Variants in PMPCA observed in about 807,000 individuals in gnomAD.
PMPCA encodes the protein mitochondrial-processing peptidase subunit alpha.
A neutral mutation model predicts 59.3 loss-of-function variants in PMPCA; 47 were observed. The observed-to-expected ratio is 0.79, with a 90% CI of 0.63 to 1.01. The LOEUF (loss-of-function observed/expected upper bound fraction) is 1.01, where lower values mean the gene tolerates loss of function less well. PMPCA is among the 50% of genes least tolerant of loss of function. PMPCA has a pLI of 0.00. For missense variants in PMPCA, 726 were observed against 704.5 expected (o/e 1.03, Z -0.34); for synonymous variants, 338 against 290.3 (o/e 1.16, Z -1.67).
intron 6 of PMPCA, 107 bp downstream of exon 6, chr9:136,416,498 A>C: frequency 1.3e-6 from 1 of 796,794 alleles, no homozygotes; most frequent in Non-Finnish European, 2.2e-6. Context: ...CAGGTTATGG[A>C]TATATACAGA....
chr9:136,422,427 C>T (rs1285736944), intron 12 of PMPCA: 3 of 1,081,888 alleles, frequency 2.8e-6, no homozygotes, highest in South Asian at 5.1e-5. Flanking sequence ...TCTGAATTTC[C>T]TGAAACTGCC....
intron 11 of PMPCA, 175 bp downstream of exon 11, chr9:136,419,281 C>G (rs573889748): frequency 1.0e-5 from 7 of 694,764 alleles, no homozygotes; most frequent in Non-Finnish European, 1.6e-5. Context: ...AGCTGCTCCA[C>G]CTGGGAGCCC....
intron 11 of PMPCA, chr9:136,419,421 C>G (rs1316045908): frequency 2.0e-6 from 1 of 493,556 alleles, no homozygotes; most frequent in Admixed American, 3.3e-5. Context: ...ATGTGACTCT[C>G]TCAGCTTTGC....
intron 8 of PMPCA, among the ~76,000 whole-genome samples, 184 bp from the exon 9 acceptor site, chr9:136,418,371 A>G (rs576154912): frequency 2.2e-5 from 3 of 138,182 alleles, no homozygotes; most frequent in Admixed American, 2.2e-4. Flanking sequence ...TGTCCCTGGC[A>G]TCCGACGGCG....
rs1413593643 is a variant in PMPCA, at chr9:136,416,354, C to G, written c.596C>G (p.Pro199Arg). Residue 199 changes from proline (P) to arginine (R), a missense_variant, in exon 6 of 13, where the codon CCT becomes CGT. Physicochemically the swap from Pro to Arg is moderately radical, Grantham distance 103. Coordinates refer to ENST00000371717, the MANE Select transcript of PMPCA (RefSeq NM_015160.3). Reference protein sequence around the residue: ...QFELEDLNLRPDPEPLLTEMI... With the variant: ...QFELEDLNLRRDPEPLLTEMI... The stretch of plus-strand genomic sequence containing the variant: ...GAGCTGGAGGACCTGAACCTGCGGC[C>G]TGACCCAGAGCCACTTCTCACCGAG... 6.2e-7 allele frequency: 1 copy of G among 1,613,722 alleles called. No individual in the cohort carries two copies. The highest frequency in any genetic ancestry group is 1.1e-5 in the South Asian group (1 of 91,054).
chr9:136,417,003 AC>A lies in PMPCA; in HGVS notation c.687del (p.Asn229LysfsTer2). 6.2e-7 allele frequency: 1 copy of A among 1,612,934 alleles called. No homozygotes were observed. The highest frequency in any genetic ancestry group is 8.5e-7 in the Non-Finnish European group (1 of 1,179,996). On this transcript the variant is annotated frameshift_variant, in exon 7 of 13. Coordinates refer to ENST00000371717, the MANE Select transcript of PMPCA (RefSeq NM_015160.3). LOFTEE classifies it high-confidence loss of function. Reference sequence around the variant, plus strand: ...CTCCACCGTTTCTGCCCCACAGAAAACGTAGCAAAGATCAACCGAGAGGTGC... The same window carrying A: ...CTCCACCGTTTCTGCCCCACAGAAAAGTAGCAAAGATCAACCGAGAGGTGC... ...VGLHRFCPTE[N>X]VAKINREVLH...
At position 136,417,021 on chromosome 9, in the gene PMPCA, G is replaced by T; in HGVS notation, c.704G>T (p.Arg235Leu). ...ACAGAAAACGTAGCAAAGATCAACC[G>T]AGAGGTGCTGCATTCCTACCTGAGG... ...CPTENVAKIN[R>L]EVLHSYLRNY... Residue 235 changes from arginine to leucine, a missense_variant, in exon 7 of 13, where the codon CGA becomes CTA. Transcript: ENST00000371717. 3 of 1,613,592 alleles carry T rather than the reference G, an allele frequency of 1.9e-6. No homozygotes were observed. Among genetic ancestry groups the T allele is most frequent in the Non-Finnish European group, 2.5e-6 (3 of 1,180,012 alleles).
chr9:136,419,197 C>A, intron 11 of PMPCA, 91 bp downstream of exon 11: 2 of 1,192,896 alleles, frequency 1.7e-6, no homozygotes, highest in Non-Finnish European at 2.5e-6. Flanking sequence ...TGGGCCTGGT[C>A]CCTGAGCCTC....
intron 12 of PMPCA, chr9:136,422,326 A>T (rs1223978910): frequency 8.4e-7 from 1 of 1,192,852 alleles, no homozygotes. Context: ...GTGGAGTAGC[A>T]GTGGCTCGGA....
rs545612922 is a variant in PMPCA, at chr9:136,412,658, A to G, written c.354+89A>G. The G allele has an allele frequency of 7.5e-6, 6 of 798,200 alleles. No homozygotes were observed. In the African/African-American group the frequency reaches 8.7e-5, roughly 12 times the overall value. 49.4% of individuals were successfully genotyped at this position (798,200 alleles called of 1,614,324 possible). A position where few individuals can be genotyped will look rare whatever the true frequency, so the allele number is the denominator to read the frequency against. On this transcript the variant is annotated intron_variant, in intron 3 of 12. Transcript: ENST00000371717. ...TCTATAATGGTTATTTTAATAAATTATCAAGTTGCTAAGTTAATGTTAATA... is the reference window on the plus strand; with the variant it reads ...TCTATAATGGTTATTTTAATAAATTGTCAAGTTGCTAAGTTAATGTTAATA...
intron 2 of PMPCA, 119 bp downstream of exon 2, chr9:136,412,318 G>A (rs1206658688): frequency 6.9e-6 from 6 of 865,948 alleles, no homozygotes; most frequent in East Asian, 2.4e-5. Context: ...GAAACAAAGT[G>A]TACGATTTCA....
At position 136,422,029 on chromosome 9, in the gene PMPCA, A is replaced by G; in HGVS notation, c.1408+53A>G. 2.6e-6 allele frequency: 4 copies of G among 1,565,636 alleles called. No individual in the cohort carries two copies. The Admixed American group carries it at 7.7e-5, about 30-fold the overall frequency. Reference sequence around the variant, plus strand: ...TGCCGCAGGCCTCGGCCAGGCTCAGAGGAGGCCGTCTCGCCCTCCCGCAGG... The same window carrying G: ...TGCCGCAGGCCTCGGCCAGGCTCAGGGGAGGCCGTCTCGCCCTCCCGCAGG... On this transcript the variant is annotated intron_variant, in intron 12 of 12. Coordinates refer to ENST00000371717, the MANE Select transcript of PMPCA (RefSeq NM_015160.3).
intron 7 of PMPCA, among the ~76,000 whole-genome samples, chr9:136,417,734 G>A (rs1588816113): frequency 6.6e-6 from 1 of 152,054 alleles, no homozygotes; most frequent in South Asian, 2.1e-4. Context: ...GATTACAGGC[G>A]TAAGCCACCA....
At chr9:136,415,378 C>T (rs777205149) in intron 5 of PMPCA, among the ~76,000 whole-genome samples, 3 of 152,218 alleles carry the variant, frequency 2.0e-5, no homozygotes, top group East Asian at 3.8e-4. Flanking sequence ...AAGGGCACCT[C>T]GGACCGTCTT....
rs536302546 is a variant in PMPCA, at chr9:136,417,769, A to G, written c.898-248A>G. ...ACGCCCAGCTTATATGTATATACAT[A>G]TGTTTTTTTTTTTTTGTCTTTTTGG... On this transcript the variant is annotated intron_variant, in intron 7 of 12. Transcript: ENST00000371717. 4.0e-3 allele frequency among the ~76,000 whole-genome samples: 557 copies of G among 138,954 alleles called. 25 individuals are homozygous for G. In the South Asian group the frequency reaches 0.076, roughly 19 times the overall value. The allele number at this position is 138,954 out of a possible 152,430, so 91.2% of individuals were successfully genotyped here. A position where few individuals can be genotyped will look rare whatever the true frequency, so the allele number is the denominator to read the frequency against.
chr9:136,418,919 G>T lies in PMPCA; in HGVS notation c.1200+1G>T. 6.2e-7 allele frequency: 1 copy of T among 1,613,528 alleles called. No homozygotes were observed. The highest frequency in any genetic ancestry group is 8.5e-7 in the Non-Finnish European group (1 of 1,179,594). On this transcript the variant is annotated splice_donor_variant, in intron 10 of 12. Coordinates refer to ENST00000371717, the MANE Select transcript of PMPCA (RefSeq NM_015160.3). LOFTEE classifies it high-confidence loss of function. Reference sequence around the variant, plus strand: ...CCATGCCAGCGCCGACCCAAGACAGGTGAGGGCCCCGCCTGCCACCGTCCT... The same window carrying T: ...CCATGCCAGCGCCGACCCAAGACAGTTGAGGGCCCCGCCTGCCACCGTCCT...
chr9:136,411,621 A>G (rs1835119111), intron 1 of PMPCA, among the ~76,000 whole-genome samples: 1 of 152,182 alleles, frequency 6.6e-6, no homozygotes, highest in African/African-American at 2.4e-5. Context: ...ACAGAGGCCA[A>G]GTCACACCCC....
intron 1 of PMPCA, among the ~76,000 whole-genome samples, chr9:136,410,947 G>C (rs1265292299): frequency 6.6e-6 from 1 of 152,218 alleles, no homozygotes; most frequent in Non-Finnish European, 1.5e-5. Context: ...CCTCTCCCCG[G>C]CTGCTGGGTC....
chr9:136,413,381 AG>A, intron 4 of PMPCA, among the ~76,000 whole-genome samples: 1 of 152,120 alleles, frequency 6.6e-6, no homozygotes, highest in South Asian at 2.1e-4. Context: ...TGGTGGAGGG[AG>A]GGGGCAGTGT....
Sources: gnomAD v4.1 joint callset for allele counts (sites outside exome capture counted in the v4.1 genomes callset) on GRCh38, gnomAD v4.1.1 for gene constraint, MANE v1.5 for transcripts, NCBI Gene and HGNC (gene_info 2026-07-23, HGNC 2026-07-21) for gene names.